The following ZNF624 variants were observed in gnomAD, a reference collection of about 807,000 sequenced individuals.
ZNF624 encodes the protein zinc finger protein 624.
ZNF624 carries 43 observed loss-of-function variants against 74.7 expected under a neutral mutation model. The observed-to-expected ratio is 0.58, with a 90% CI of 0.45 to 0.74. ZNF624 has a LOEUF of 0.74. ZNF624 is among the 30% of genes least tolerant of loss of function. The probability of loss-of-function intolerance (pLI) is 0.00; values close to 1 mark genes in which losing one functional copy is unlikely to be tolerated. For missense variants in ZNF624, 820 were observed against 1,030.0 expected, an observed-to-expected ratio of 0.80 and a Z score of 2.79; for synonymous variants, 331 against 341.3, an observed-to-expected ratio of 0.97 and a Z score of 0.33.
intron 3 of ZNF624, among the ~76,000 whole-genome samples, chr17:16,636,220 T>G (rs1909327130): frequency 6.6e-6 from 1 of 152,210 alleles, no homozygotes; most frequent in Non-Finnish European, 1.5e-5. Context: ...TCTATTATCT[T>G]TGGAGAATAC....
Position 16,622,782 on chromosome 17 carries a change from C to T in ZNF624, c.2104G>A (p.Gly702Arg). Reference protein sequence around the residue: ...GEKPYKCNECGKVFTSNSGFN... With the variant: ...GEKPYKCNECRKVFTSNSGFN... ...CCTGAGTTACTTGTGAAAACCTTTCCACATTCATTGCATTTATAGGGCTTC... is the reference window on the plus strand; with the variant it reads ...CCTGAGTTACTTGTGAAAACCTTTCTACATTCATTGCATTTATAGGGCTTC... Residue 702 changes from glycine to arginine, a missense_variant, in exon 6 of 6, where the codon GGA becomes AGA. Coordinates refer to ENST00000311331, the MANE Select transcript of ZNF624 (RefSeq NM_020787.4). 6.2e-7 allele frequency: 1 copy of T among 1,613,824 alleles called. No individual in the cohort carries two copies. The highest frequency in any genetic ancestry group is 1.7e-4 in the Middle Eastern group (1 of 6,052).
chr17:16,622,159 C>T lies in ZNF624; in HGVS notation c.*129G>A. 1 of 613,026 alleles carries T rather than the reference C, an allele frequency of 1.6e-6. No homozygotes were observed. The highest frequency in any genetic ancestry group is 3.6e-5 in the Admixed American group (1 of 27,622). 38.0% of individuals were successfully genotyped at this position (613,026 alleles called of 1,614,324 possible). A position where few individuals can be genotyped will look rare whatever the true frequency, so the allele number is the denominator to read the frequency against. ...TTTAATATTATTAAATGATTTCCCA[C>T]ATAATTGCTTATAGTTTCTCTGTAT... On this transcript the variant is annotated 3_prime_UTR_variant, in exon 6 of 6. Coordinates refer to ENST00000311331, the MANE Select transcript of ZNF624 (RefSeq NM_020787.4).
In ZNF624 at chr17:16,649,706, T is replaced by C. The variant is rs1909674473; in HGVS notation, c.39A>G (p.Lys13=). ...LQDSTLSREG[K]PEGEIMAAVF... is the part of the protein sequence containing the mutation. ...CAGCAGCCATAATCTCTCCCTCTGG[T>C]TTCCCCTCTCTGGAAAGAGTGGAGT... The change falls in exon 2 of 6, where the codon AAA becomes AAG. Residue 13 remains lysine (K), a synonymous_variant. Transcript: ENST00000311331. 12 of 1,614,006 alleles carry C rather than the reference T, an allele frequency of 7.4e-6. No individual in the cohort carries two copies. Among genetic ancestry groups the C allele is most frequent in the Non-Finnish European group, 9.3e-6 (11 of 1,179,890 alleles).
rs751822185 is a variant in ZNF624 at position 16,649,726 on chromosome 17, T to C, written c.19A>G (p.Thr7Ala). 9.9e-6 allele frequency: 16 copies of C among 1,613,506 alleles called. No homozygotes were observed. Among genetic ancestry groups the C allele is most frequent in the Non-Finnish European group, 1.4e-5 (16 of 1,179,722 alleles). MSLQDS[T>A]LSREGKPEGE... ...TCTGGTTTCCCCTCTCTGGAAAGAGTGGAGTCTTGCAAAGACATACCTAAG... is the reference window on the plus strand; with the variant it reads ...TCTGGTTTCCCCTCTCTGGAAAGAGCGGAGTCTTGCAAAGACATACCTAAG... Residue 7 changes from threonine (T) to alanine (A), a missense_variant, in exon 2 of 6, where the codon ACT becomes GCT. By Grantham distance (58) the Thr-to-Ala change is moderately conservative. Transcript: ENST00000311331.
chr17:16,623,255 G>A lies in ZNF624; in HGVS notation c.1631C>T (p.Thr544Ile). The A allele has an allele frequency of 6.2e-7, 1 of 1,613,948 alleles. No homozygotes were observed. Among genetic ancestry groups the A allele is most frequent in the Non-Finnish European group, 8.5e-7 (1 of 1,179,886 alleles). The part of the protein sequence containing the change: ...GKAFINYSCL[T>I]VHHRMHTGEK... ...TCCTGTATGCATTCTGTGGTGTACA[G>A]TAAGGCATGAATAATTAATGAATGC... Residue 544 changes from threonine to isoleucine, a missense_variant, in exon 6 of 6, where the codon ACT becomes ATT. Physicochemically the swap from Thr to Ile is moderately conservative, Grantham distance 89. Coordinates refer to ENST00000311331, the MANE Select transcript of ZNF624 (RefSeq NM_020787.4). This position sits in a 1 kb window ranked among gnomAD's most constrained non-coding sequence, Gnocchi z 5.3.
In ZNF624 at chr17:16,624,502, C is replaced by T; in HGVS notation, c.384G>A (p.Glu128=). 2 of 1,558,226 alleles carry T rather than the reference C, an allele frequency of 1.3e-6. No individual in the cohort carries two copies. The highest frequency in any genetic ancestry group is 2.8e-5 in the African/African-American group (2 of 72,386). ...EISRIPYPDM[E]PKPATKKATR... ...TAGCCTTCTTGGTTGCAGGTTTGGG[C>T]TCCATGTCTGGGGCAAAAAAGAGAA... The change falls in exon 6 of 6, where the codon GAG becomes GAA. Residue 128 remains glutamate (E), a synonymous_variant. Coordinates refer to ENST00000311331, the MANE Select transcript of ZNF624 (RefSeq NM_020787.4).
In ZNF624 at chr17:16,623,195, G is replaced by A; in HGVS notation, c.1691C>T (p.Ala564Val). 1 of 1,613,756 alleles carries A rather than the reference G, an allele frequency of 6.2e-7. No individual in the cohort carries two copies. Among genetic ancestry groups the A allele is most frequent in the Non-Finnish European group, 8.5e-7 (1 of 1,179,880 alleles). Residue 564 changes from alanine to valine, a missense_variant, in exon 6 of 6, where the codon GCC (alanine) becomes GTC (valine). Ala to Val is a moderately conservative substitution (Grantham distance 64). Coordinates refer to ENST00000311331, the MANE Select transcript of ZNF624 (RefSeq NM_020787.4). The surrounding 1 kb of genome is among the most constrained non-coding windows in gnomAD (Gnocchi z 5.3). ...AATTAGAGAAGAAGAACGCATGAAG[G>A]CCTTTCCACATTCAGTACATTTATA... ...KPYKCTECGK[A>V]FMRSSSLIIH...
downstream of ZNF624, among the ~76,000 whole-genome samples, chr17:16,618,872 T>C (rs1433902908): frequency 6.6e-6 from 1 of 152,234 alleles, no homozygotes; most frequent in Non-Finnish European, 1.5e-5. Flanking sequence ...ACTATATTAT[T>C]GGTAAGGCTC....
intron 5 of ZNF624, 87 bp from the exon 6 acceptor site, chr17:16,624,596 T>C (rs1909020057): frequency 5.2e-6 from 6 of 1,163,000 alleles, no homozygotes; most frequent in African/African-American, 1.6e-5. Flanking sequence ...AATAAATACA[T>C]GGATAATGAA....
intron 3 of ZNF624, among the ~76,000 whole-genome samples, chr17:16,640,609 T>C (rs1909444434): frequency 1.3e-5 from 2 of 152,118 alleles, no homozygotes; most frequent in South Asian, 2.1e-4. Flanking sequence ...AAGAGGATTA[T>C]AAAGGAACAC....
downstream of ZNF624, among the ~76,000 whole-genome samples, chr17:16,619,221 TTAA>T (rs1236239077): frequency 6.6e-6 from 1 of 152,198 alleles, no homozygotes; most frequent in Non-Finnish European, 1.5e-5. Flanking sequence ...ACCATAAATA[TTAA>T]TTTCAGATGG....
intron 3 of ZNF624, among the ~76,000 whole-genome samples, chr17:16,646,023 A>G (rs1909586018): frequency 1.3e-5 from 2 of 151,988 alleles, no homozygotes; most frequent in Non-Finnish European, 2.9e-5. Flanking sequence ...ATTAAATTAA[A>G]TTAATAACTT....
intron 1 of ZNF624, among the ~76,000 whole-genome samples, chr17:16,651,731 A>G (rs1487534934): frequency 6.6e-6 from 1 of 152,130 alleles, no homozygotes; most frequent in African/African-American, 2.4e-5. Flanking sequence ...CCTGTTTTCT[A>G]ATGAAAACGC....
intron 3 of ZNF624, among the ~76,000 whole-genome samples, chr17:16,636,910 G>C (rs893414001): frequency 5.3e-5 from 8 of 152,088 alleles, no homozygotes; most frequent in Non-Finnish European, 1.0e-4. Context: ...TCCCTGTCTT[G>C]TGCCAGTTTT....
In ZNF624 at chr17:16,623,371, A is replaced by G. The variant is rs1908975446; in HGVS notation, c.1515T>C (p.Cys505=). The part of the protein sequence containing the change: ...TGEKPYECNE[C]GKAFNRIANF... ...TTGCGATGCGGTTGAATGCTTTCCC[A>G]CATTCATTACATTCATAGGGTTTTT... Residue 505 remains cysteine, a synonymous_variant, in exon 6 of 6, where the codon TGT becomes TGC. Transcript: ENST00000311331. The surrounding 1 kb of genome is among the most constrained non-coding windows in gnomAD (Gnocchi z 5.3). 3 of 1,613,748 alleles carry G rather than the reference A, an allele frequency of 1.9e-6. No homozygotes were observed. The highest frequency in any genetic ancestry group is 2.5e-6 in the Non-Finnish European group (3 of 1,179,754).
At chr17:16,642,258 G>A (rs1408785698) in intron 3 of ZNF624, among the ~76,000 whole-genome samples, 1 of 152,004 alleles carries the variant, frequency 6.6e-6, no homozygotes, top group Admixed American at 6.6e-5. Flanking sequence ...GTACTTCAAA[G>A]GTATTTCCAA....
At chr17:16,629,083 A>G (rs1909142990) in intron 5 of ZNF624, among the ~76,000 whole-genome samples, 1 of 151,456 alleles carries the variant, frequency 6.6e-6, no homozygotes, top group South Asian at 2.1e-4. Context: ...CTGTAGTCGC[A>G]GCTACTCAGG....
At chr17:16,626,074 G>A (rs1047176433) in intron 5 of ZNF624, among the ~76,000 whole-genome samples, 6 of 151,848 alleles carry the variant, frequency 4.0e-5, no homozygotes, top group Non-Finnish European at 8.8e-5. Flanking sequence ...TTCAGCTTCC[G>A]AAGTAGTTGG....
At chr17:16,630,137 A>AT (rs1336081127) in intron 5 of ZNF624, among the ~76,000 whole-genome samples, 1 of 152,220 alleles carries the variant, frequency 6.6e-6, no homozygotes, top group Non-Finnish European at 1.5e-5. Context: ...CAGATTGTAC[A>AT]TAAGACAGAA....
Sources: allele counts gnomAD v4.1 joint callset (sites outside exome capture counted in the v4.1 genomes callset), GRCh38; gene constraint gnomAD v4.1.1; non-coding constraint Gnocchi (gnomAD v3.1); transcripts MANE v1.5; gene names NCBI Gene and HGNC (gene_info 2026-07-23, HGNC 2026-07-21).